Variants in NCKAP5 observed in about 807,000 individuals in gnomAD.
The protein encoded by NCKAP5 is nck-associated protein 5.
NCKAP5 carries 92 observed loss-of-function variants against 167.0 expected under a neutral mutation model. That is an observed-to-expected ratio of 0.55 (90% CI 0.47 to 0.66). NCKAP5 has a LOEUF of 0.66. Among genes scored for constraint, NCKAP5 ranks in the 30% least tolerant of loss-of-function variants. The pLI, the probability that NCKAP5 is intolerant of heterozygous loss-of-function variation, is 0.00. For missense variants in NCKAP5, 2,378 were observed against 2,315.0 expected, an observed-to-expected ratio of 1.03 and a Z score of -0.56; for synonymous variants, 891 against 877.4, an observed-to-expected ratio of 1.02 and a Z score of -0.27.
At chr2:133,172,617 C>A (rs768509448) in intron 5 of NCKAP5, among the ~76,000 whole-genome samples, 2 of 151,762 alleles carry the variant, frequency 1.3e-5, no homozygotes, top group Non-Finnish European at 2.9e-5. Context: ...ATTACAGGTG[C>A]CCACCACCAC....
intron 3 of NCKAP5, among the ~76,000 whole-genome samples, chr2:133,494,743 C>T (rs1681785777): frequency 1.3e-5 from 2 of 152,126 alleles, no homozygotes; most frequent in Admixed American, 1.3e-4. Context: ...CCAGTTCCAG[C>T]CTAGCTCTGG....
intron 6 of NCKAP5, among the ~76,000 whole-genome samples, chr2:133,102,747 A>G (rs1011258739): frequency 9.4e-5 from 8 of 84,996 alleles, no homozygotes; most frequent in Non-Finnish European, 1.5e-4. Context: ...GCATGTAAAC[A>G]CACACACACA....
intron 2 of NCKAP5, among the ~76,000 whole-genome samples, chr2:133,527,767 C>CA (rs1223511120): frequency 8.6e-5 from 13 of 151,922 alleles, no homozygotes; most frequent in Non-Finnish European, 1.5e-4. Flanking sequence ...TAAACTCCCT[C>CA]AAAAAGGTAA....
the NCKAP5 span, among the ~76,000 whole-genome samples, chr2:133,630,587 C>A: frequency 1.3e-5 from 2 of 151,676 alleles, no homozygotes; most frequent in African/African-American, 4.9e-5. Context: ...TGCATATGTA[C>A]CTCAGAACTT....
chr2:133,297,534 C>T (rs1044814668), intron 4 of NCKAP5, among the ~76,000 whole-genome samples: 2 of 152,118 alleles, frequency 1.3e-5, no homozygotes, highest in Admixed American at 1.3e-4. Context: ...ATTTTTGTGT[C>T]ACAGCAGATG....
chr2:133,422,803 C>A (rs1403221410), intron 3 of NCKAP5, among the ~76,000 whole-genome samples: 1 of 152,124 alleles, frequency 6.6e-6, no homozygotes, highest in Non-Finnish European at 1.5e-5. Context: ...AAAAGCTATT[C>A]ACTTTGGGAT....
intron 6 of NCKAP5, among the ~76,000 whole-genome samples, chr2:133,063,964 GAA>G (rs1450199225): frequency 1.3e-5 from 2 of 152,132 alleles, no homozygotes; most frequent in African/African-American, 4.8e-5. Context: ...GCTCCTTCAG[GAA>G]CTGTCCATGG....
intron 11 of NCKAP5, among the ~76,000 whole-genome samples, chr2:132,798,968 G>C (rs1447558): frequency 0.19 from 28,421 of 152,014 alleles, 3,111 homozygotes; most frequent in East Asian, 0.3. Context: ...TTCATTGCCA[G>C]GCTATTTACA....
intron 5 of NCKAP5, among the ~76,000 whole-genome samples, chr2:133,186,210 G>A (rs555594341): frequency 2.0e-5 from 3 of 152,108 alleles, no homozygotes; most frequent in Admixed American, 2.0e-4. Flanking sequence ...AGGTGATTAA[G>A]ATAATCATAT....
At chr2:133,601,958 T>C in the NCKAP5 span, among the ~76,000 whole-genome samples, 1 of 152,108 alleles carries the variant, frequency 6.6e-6, no homozygotes, top group Admixed American at 6.5e-5. Context: ...ATCCTAAGAA[T>C]GATGAGCACA....
intron 11 of NCKAP5, among the ~76,000 whole-genome samples, chr2:132,819,268 C>G (rs1285663586): frequency 1.3e-5 from 2 of 152,130 alleles, no homozygotes; most frequent in Non-Finnish European, 2.9e-5. Flanking sequence ...CCTCTAGAAC[C>G]TGGAGTCACT....
chr2:133,665,816 T>C, the NCKAP5 span, among the ~76,000 whole-genome samples: 1 of 152,236 alleles, frequency 6.6e-6, no homozygotes, highest in Admixed American at 6.5e-5. Flanking sequence ...TCAAAATCAC[T>C]ATTTTTCAAA....
At chr2:133,269,965 G>C (rs2089434269) in intron 4 of NCKAP5, among the ~76,000 whole-genome samples, 1 of 152,190 alleles carries the variant, frequency 6.6e-6, no homozygotes, top group African/African-American at 2.4e-5. Context: ...TTTGGCCCTA[G>C]CAACCGGAAG....
intron 3 of NCKAP5, among the ~76,000 whole-genome samples, chr2:133,430,365 C>T (rs1690081548): frequency 6.6e-6 from 1 of 152,070 alleles, no homozygotes; most frequent in Non-Finnish European, 1.5e-5. Context: ...TGTACAGAAG[C>T]TCTTTAGTTT....
chr2:133,520,993 G>A (rs1276212506), intron 2 of NCKAP5, among the ~76,000 whole-genome samples: 4 of 152,118 alleles, frequency 2.6e-5, no homozygotes, highest in Admixed American at 2.6e-4. Flanking sequence ...AAACAATCAT[G>A]GAAAGGTTCA....
At chr2:132,725,782 T>C in intron 18 of NCKAP5, 23 bp from the exon 19 acceptor site, 1 of 1,609,700 alleles carries the variant, frequency 6.2e-7, no homozygotes, top group Non-Finnish European at 8.5e-7. Flanking sequence ...TATGAGACTG[T>C]TAAGATAATT....
chr2:132,683,998 A>AGTCT (rs1685611888), intron 19 of NCKAP5, among the ~76,000 whole-genome samples: 1 of 152,238 alleles, frequency 6.6e-6, no homozygotes, highest in African/African-American at 2.4e-5. Context: ...GATGCTATTT[A>AGTCT]GTCTCTCTCT....
chr2:133,531,975 C>T (rs1187593484), intron 2 of NCKAP5, among the ~76,000 whole-genome samples: 1 of 152,172 alleles, frequency 6.6e-6, no homozygotes, highest in African/African-American at 2.4e-5. Flanking sequence ...AATAGCCACT[C>T]CCCTGTAGTA....
intron 16 of NCKAP5, among the ~76,000 whole-genome samples, chr2:132,743,690 T>A (rs1679400417): frequency 6.6e-6 from 1 of 151,744 alleles, no homozygotes; most frequent in Middle Eastern, 3.4e-3. Context: ...ATTTAGATAA[T>A]TACATAAAAT....
Sources: gnomAD v4.1 joint callset for allele counts (sites outside exome capture counted in the v4.1 genomes callset) on GRCh38, gnomAD v4.1.1 for gene constraint, MANE v1.5 for transcripts, NCBI Gene and HGNC (gene_info 2026-07-23, HGNC 2026-07-21) for gene names.